Variants in TBC1D5 observed in about 807,000 individuals in gnomAD.
TBC1D5 encodes TBC1 domain family, member 5.
In TBC1D5, 75 loss-of-function variants were observed where a neutral mutation model predicts 100.3. The ratio of observed to expected loss-of-function variants is 0.75; its 90% CI spans 0.62 to 0.91. The LOEUF is 0.91. TBC1D5 is among the 40% of genes least tolerant of loss of function. TBC1D5 has a pLI of 0.00. For synonymous variants in TBC1D5, 323 were observed against 325.6 expected, an observed-to-expected ratio of 0.99 and a Z score of 0.09; for missense variants, 910 against 942.4, an observed-to-expected ratio of 0.97 and a Z score of 0.45.
chr3:17,165,311 G>A (rs1462005045), intron 21 of TBC1D5, among the ~76,000 whole-genome samples: 2 of 152,020 alleles, frequency 1.3e-5, no homozygotes, highest in Non-Finnish European at 2.9e-5. Context: ...CTTTTTTTCT[G>A]TAGTAAACTG....
At chr3:17,280,191 G>T (rs1484534740) in intron 15 of TBC1D5, among the ~76,000 whole-genome samples, 2 of 152,114 alleles carry the variant, frequency 1.3e-5, no homozygotes, top group Non-Finnish European at 2.9e-5. Flanking sequence ...TAGAGATGGG[G>T]GCAGGGAGGT....
At position 17,485,791 on chromosome 3, in the gene TBC1D5, G is replaced by A. The variant is rs768420301; in HGVS notation, c.97+22683C>T. Among the ~76,000 whole-genome samples, 444 of 151,552 alleles carry A rather than the reference G, an allele frequency of 2.9e-3. 1 individual carries two copies. The highest frequency in any genetic ancestry group is 6.8e-3 in the Middle Eastern group (2 of 294). ...AGTCTTTGCTATTGTGAATAGTGCC[G>A]CAATAAACATACGTGTGCATGTGTC... On this transcript the variant is annotated intron_variant, in intron 3 of 21. Transcript: ENST00000253692.
In TBC1D5 at chr3:17,654,118, A is replaced by G. The variant is rs374328629; in HGVS notation, c.-100-30205T>C. Among the ~76,000 whole-genome samples the G allele has an allele frequency of 1.8e-4, 28 of 152,296 alleles. No individual in the cohort carries two copies. The East Asian group carries it at 4.2e-3, about 23-fold the overall frequency. ...TTTTCGACAGCAGACTTCAAAATTA[A>G]AACAAGCAAAGTCAAAGGGAAAAAA... is the stretch of plus-strand genomic sequence containing the variant. On this transcript the variant is annotated intron_variant, in intron 1 of 21. Transcript: ENST00000253692.
intron 1 of TBC1D5, among the ~76,000 whole-genome samples, chr3:17,710,433 G>T (rs992346539): frequency 6.6e-6 from 1 of 151,872 alleles, no homozygotes. Context: ...GTATGGTGCC[G>T]CATGATTGTA....
chr3:17,219,517 A>G (rs974782846), intron 17 of TBC1D5, among the ~76,000 whole-genome samples: 1 of 151,616 alleles, frequency 6.6e-6, no homozygotes, highest in Admixed American at 6.6e-5. Context: ...TTTTATTGAA[A>G]ACTGGACATT....
intron 13 of TBC1D5, among the ~76,000 whole-genome samples, chr3:17,319,488 C>T (rs377190208): frequency 3.4e-5 from 5 of 148,038 alleles, no homozygotes; most frequent in Admixed American, 6.8e-5. Context: ...TTTAACAAGA[C>T]GTACAATAAG....
At chr3:17,244,031 A>G (rs2076523792) in intron 16 of TBC1D5, among the ~76,000 whole-genome samples, 1 of 152,202 alleles carries the variant, frequency 6.6e-6, no homozygotes, top group Non-Finnish European at 1.5e-5. Context: ...GCCATGAAGG[A>G]AAGCAGCCCT....
chr3:17,532,958 C>G (rs1309543941), intron 2 of TBC1D5, among the ~76,000 whole-genome samples: 2 of 151,454 alleles, frequency 1.3e-5, no homozygotes, highest in Non-Finnish European at 2.9e-5. Context: ...GCACGTTGTG[C>G]ACATGTACCC....
intron 1 of TBC1D5, among the ~76,000 whole-genome samples, chr3:17,637,087 T>C (rs2064018333): frequency 6.7e-6 from 1 of 150,012 alleles, no homozygotes; most frequent in Non-Finnish European, 1.5e-5. Flanking sequence ...AGTGGCGTGA[T>C]CTCAGCTCAC....
chr3:17,401,799 ATATATACTGCAC>A (rs138256354), intron 8 of TBC1D5, among the ~76,000 whole-genome samples: 3,408 of 152,230 alleles, frequency 0.022, 102 homozygotes, highest in African/African-American at 0.077. Flanking sequence ...TTAGTTAACA[ATATATACTGCAC>A]ATTTTGTTTT....
At chr3:17,307,904 A>C in intron 14 of TBC1D5, 88 bp downstream of exon 14, 7 of 1,522,692 alleles carry the variant, frequency 4.6e-6, no homozygotes, top group Non-Finnish European at 6.2e-6. Context: ...CAAATCAAAT[A>C]ATAAAACACA....
At chr3:17,596,784 C>G (rs530402464) in intron 2 of TBC1D5, among the ~76,000 whole-genome samples, 1 of 151,548 alleles carries the variant, frequency 6.6e-6, no homozygotes, top group Non-Finnish European at 1.5e-5. Context: ...ACACTGGTAC[C>G]AAAGCAGTAT....
At chr3:17,673,691 A>G (rs766722449) in intron 1 of TBC1D5, among the ~76,000 whole-genome samples, 4 of 152,112 alleles carry the variant, frequency 2.6e-5, no homozygotes, top group South Asian at 2.1e-4. Context: ...AGGTTTTACA[A>G]TATTCTTACC....
chr3:17,565,653 C>T (rs973631315), intron 2 of TBC1D5, among the ~76,000 whole-genome samples: 3 of 151,972 alleles, frequency 2.0e-5, no homozygotes, highest in Non-Finnish European at 4.4e-5. Flanking sequence ...TATGATATTT[C>T]GCATGCTTTA....
intron 13 of TBC1D5, among the ~76,000 whole-genome samples, chr3:17,353,510 CTATTA>C (rs1311943802): frequency 6.6e-6 from 1 of 152,038 alleles, no homozygotes; most frequent in East Asian, 1.9e-4. Context: ...AATTACATCA[CTATTA>C]TATTTCAATG....
At chr3:17,402,720 T>A (rs78908732) in intron 8 of TBC1D5, among the ~76,000 whole-genome samples, 9,242 of 152,066 alleles carry the variant, frequency 0.061, 544 homozygotes, top group African/African-American at 0.15. Context: ...ACTGAGTAGA[T>A]TGAGAGAAGA....
At chr3:17,647,338 A>G (rs1482447244) in intron 1 of TBC1D5, among the ~76,000 whole-genome samples, 1 of 152,186 alleles carries the variant, frequency 6.6e-6, no homozygotes, top group Non-Finnish European at 1.5e-5. Context: ...GCTGATAAAC[A>G]AACAAAAATA....
intron 19 of TBC1D5, among the ~76,000 whole-genome samples, chr3:17,174,564 C>T (rs1280448206): frequency 1.3e-5 from 2 of 151,430 alleles, no homozygotes; most frequent in African/African-American, 4.9e-5. Context: ...CACACCTCAC[C>T]ATTCCCCTAG....
intron 16 of TBC1D5, among the ~76,000 whole-genome samples, chr3:17,244,517 C>A (rs1440685479): frequency 1.3e-5 from 2 of 152,052 alleles, no homozygotes; most frequent in African/African-American, 2.4e-5. Context: ...CTTTTCTATT[C>A]TTTTCCCTTC....
Sources: gnomAD v4.1 joint callset for allele counts (sites outside exome capture counted in the v4.1 genomes callset) on GRCh38, gnomAD v4.1.1 for gene constraint, MANE v1.5 for transcripts, NCBI Gene and HGNC (gene_info 2026-07-23, HGNC 2026-07-21) for gene names.